Variants in MYO16 observed in about 807,000 individuals in gnomAD.
MYO16 encodes myosin XVI.
MYO16 carries 94 observed loss-of-function variants against 205.3 expected under a neutral mutation model. The observed-to-expected ratio is 0.46, with a 90% CI of 0.39 to 0.54. The LOEUF is 0.54. Ranked by LOEUF, MYO16 falls within the 20% of genes least tolerant of loss-of-function variation. MYO16 has a pLI of 0.00. For synonymous variants in MYO16, 988 were observed against 954.0 expected (o/e 1.04, Z -0.66); for missense variants, 2,315 against 2,387.5 (o/e 0.97, Z 0.63).
intron 1 of MYO16, among the ~76,000 whole-genome samples, chr13:108,634,340 A>G (rs796598874): frequency 9.2e-5 from 14 of 152,258 alleles, no homozygotes; most frequent in African/African-American, 3.4e-4. Context: ...CTGTGTGTCC[A>G]AGGCCAGTGC....
chr13:108,868,347 A>G (rs1299502026), intron 12 of MYO16, among the ~76,000 whole-genome samples: 3 of 152,134 alleles, frequency 2.0e-5, no homozygotes. Context: ...GTGGAATCTT[A>G]TTGCTCTAAT....
In MYO16 at chr13:109,206,626, G is replaced by C. The variant is rs143986353; in HGVS notation, c.5433G>C (p.Arg1811Ser). 222 of 1,613,210 alleles carry C rather than the reference G, an allele frequency of 1.4e-4. 2 individuals carry two copies. Among genetic ancestry groups the C allele is most frequent in the South Asian group, 4.1e-4 (37 of 91,054 alleles). Residue 1811 changes from arginine (R) to serine (S), a missense_variant, in exon 35 of 35, where the codon AGG (arginine) becomes AGC (serine). Arg to Ser is a moderately radical substitution (Grantham distance 110). This residue lies in a region of MYO16 where 1,097 missense variants were observed against 1,092.0 expected (regional missense o/e 1.00). Coordinates refer to ENST00000457511, the MANE Select transcript of MYO16 (RefSeq NM_001198950.3). ...SHTTQVIHQL[R>S]LSENESVALQ... ...TCCCACAGGTAATCCATCAGCTGAG[G>C]CTCTCAGAGAATGAAAGTGTGGCCC...
intron 6 of MYO16, among the ~76,000 whole-genome samples, chr13:108,805,885 G>A (rs530480898): frequency 6.7e-6 from 1 of 149,590 alleles, no homozygotes; most frequent in East Asian, 2.0e-4. Flanking sequence ...TTCAAGACTA[G>A]TCTAGGTAAC....
At chr13:108,544,038 C>A in the MYO16 span, among the ~76,000 whole-genome samples, 1 of 121,652 alleles carries the variant, frequency 8.2e-6, no homozygotes, top group Non-Finnish European at 1.6e-5. Context: ...GCACTCCAGT[C>A]TGGGCAACAA....
At chr13:109,027,629 G>C (rs1434673407) in intron 23 of MYO16, among the ~76,000 whole-genome samples, 1 of 152,086 alleles carries the variant, frequency 6.6e-6, no homozygotes, top group Admixed American at 6.5e-5. Flanking sequence ...AGGAGGATAA[G>C]GACCCTCAGT....
Position 108,629,735 on chromosome 13 carries a change from G to GT in MYO16, c.-109dup, listed in dbSNP as rs1879889372. The GT allele has an allele frequency of 2.9e-6, 3 of 1,027,844 alleles. No individual in the cohort carries two copies. Among genetic ancestry groups the GT allele is most frequent in the Non-Finnish European group, 4.3e-6 (3 of 700,434 alleles). 63.7% of individuals were successfully genotyped at this position (1,027,844 alleles called of 1,614,324 possible). On this transcript the variant is annotated 5_prime_UTR_variant, in exon 1 of 35. The change creates a premature stop within an existing upstream ORF in the 5' untranslated region. Coordinates refer to ENST00000457511, the MANE Select transcript of MYO16 (RefSeq NM_001198950.3). The stretch of plus-strand genomic sequence containing the variant: ...CCTCCATGCAATAGTGCATCCTGAG[G>GT]TAAACTGTTACCTGAGTAAGGGCTT...
rs997796880 is a variant in MYO16, at chr13:109,154,677, G to A, written c.5165-10224G>A. On this transcript the variant is annotated intron_variant, in intron 32 of 34. Coordinates refer to ENST00000457511, the MANE Select transcript of MYO16 (RefSeq NM_001198950.3). ...TATCTTCTCACCTTTGCCTTCTGGG[G>A]AAAGTGAGGAGGAACCATTTCCCTC... 7.2e-5 allele frequency among the ~76,000 whole-genome samples: 11 copies of A among 152,006 alleles called. No individual in the cohort carries two copies. In the East Asian group the frequency reaches 1.4e-3, roughly 19 times the overall value.
intron 16 of MYO16, among the ~76,000 whole-genome samples, chr13:108,938,868 CAG>C (rs200208384): frequency 0.014 from 2,100 of 152,334 alleles, 37 homozygotes; most frequent in African/African-American, 0.047. Flanking sequence ...ACCACAATCT[CAG>C]GGGAGTAGGC....
At chr13:108,840,698 T>A (rs1306255427) in intron 9 of MYO16, among the ~76,000 whole-genome samples, 1 of 152,140 alleles carries the variant, frequency 6.6e-6, no homozygotes, top group Non-Finnish European at 1.5e-5. Flanking sequence ...CCACCACAGC[T>A]GGCTAACTTT....
At chr13:108,533,664 T>G in the MYO16 span, among the ~76,000 whole-genome samples, 1 of 152,236 alleles carries the variant, frequency 6.6e-6, no homozygotes, top group Non-Finnish European at 1.5e-5. Context: ...TATTTATCAC[T>G]TTTTCTGGTT....
At chr13:109,010,842 A>C (rs1340047340) in intron 22 of MYO16, among the ~76,000 whole-genome samples, 2 of 151,706 alleles carry the variant, frequency 1.3e-5, no homozygotes, top group African/African-American at 4.8e-5. Flanking sequence ...TATTAGTTGA[A>C]ATAAAGAATT....
chr13:108,510,425 A>ATTTTTTTTTTTTTTTTTTTTTTTT, the MYO16 span, among the ~76,000 whole-genome samples: 1 of 97,090 alleles, frequency 1.0e-5, no homozygotes, highest in Non-Finnish European at 2.0e-5. Flanking sequence ...TAGATAGTTA[A>ATTTTTTTTTTTTTTTTTTTTTTTT]TTTTTTTTTT....
intron 28 of MYO16, among the ~76,000 whole-genome samples, chr13:109,117,373 A>G: frequency 7.5e-6 from 1 of 133,392 alleles, no homozygotes; most frequent in Non-Finnish European, 1.6e-5. Flanking sequence ...ATGCAAATAT[A>G]TATAATATAT....
At chr13:109,165,422 A>C (rs962267726) in intron 33 of MYO16, among the ~76,000 whole-genome samples, 4 of 152,248 alleles carry the variant, frequency 2.6e-5, no homozygotes, top group Admixed American at 2.0e-4. Flanking sequence ...TAAAGAAATG[A>C]TAAGTGCCAG....
intron 16 of MYO16, among the ~76,000 whole-genome samples, chr13:108,937,493 A>G (rs1882541529): frequency 6.6e-6 from 1 of 152,146 alleles, no homozygotes; most frequent in Non-Finnish European, 1.5e-5. Flanking sequence ...CTTTTCTTTC[A>G]GAAATGCCAG....
At chr13:108,541,869 T>G in the MYO16 span, among the ~76,000 whole-genome samples, 5 of 152,282 alleles carry the variant, frequency 3.3e-5, no homozygotes, top group African/African-American at 1.2e-4. Flanking sequence ...GGTAGGAATG[T>G]AAATTAGTTC....
Position 109,160,867 on chromosome 13 carries a change from T to A in MYO16, c.5165-4034T>A, listed in dbSNP as rs116550306. 4.7e-3 allele frequency among the ~76,000 whole-genome samples: 717 copies of A among 152,328 alleles called. 9 individuals are homozygous for A. Among genetic ancestry groups the A allele is most frequent in the African/African-American group, 0.016 (673 of 41,578 alleles). On this transcript the variant is annotated intron_variant, in intron 32 of 34. Transcript: ENST00000457511. ...GACCTCTTCAGACTTAATGCCATTGTCCTCTTGATTTCTGATTGTTGTAAT... is the reference window on the plus strand; with the variant it reads ...GACCTCTTCAGACTTAATGCCATTGACCTCTTGATTTCTGATTGTTGTAAT...
At chr13:108,715,058 A>G (rs750008719) in intron 3 of MYO16, among the ~76,000 whole-genome samples, 2 of 152,164 alleles carry the variant, frequency 1.3e-5, no homozygotes, top group Non-Finnish European at 2.9e-5. Flanking sequence ...TCTCATAAGT[A>G]AAAGCCAAAG....
chr13:108,809,892 C>T (rs1368646421), intron 7 of MYO16, among the ~76,000 whole-genome samples: 1 of 152,182 alleles, frequency 6.6e-6, no homozygotes, highest in Non-Finnish European at 1.5e-5. Flanking sequence ...CCACAGAGCC[C>T]AACCTTGGGG....
Sources: allele counts gnomAD v4.1 joint callset (sites outside exome capture counted in the v4.1 genomes callset), GRCh38; gene constraint gnomAD v4.1.1; regional missense constraint gnomAD v4.1.1; transcripts MANE v1.5; gene names NCBI Gene and HGNC (gene_info 2026-07-23, HGNC 2026-07-21).